Variants in ANKMY1 observed in about 807,000 individuals in gnomAD.
ANKMY1 encodes ankyrin repeat and MYND domain-containing protein 1.
A neutral mutation model predicts 102.0 loss-of-function variants in ANKMY1; 98 were observed. That is an observed-to-expected ratio of 0.96 (90% confidence interval 0.82 to 1.14). The LOEUF is 1.14. Among genes scored for constraint, ANKMY1 ranks in the 50% most tolerant of loss-of-function variants. The pLI is 0.00. For missense variants in ANKMY1, 1,330 were observed against 1,347.6 expected (o/e 0.99, Z 0.20); for synonymous variants, 582 against 559.9 (o/e 1.04, Z -0.56).
At position 240,512,896 on chromosome 2, in the gene ANKMY1, T is replaced by G; in HGVS notation, c.2051A>C (p.Glu684Ala). 6.2e-7 allele frequency: 1 copy of G among 1,613,768 alleles called. No individual in the cohort carries two copies. Among genetic ancestry groups the G allele is most frequent in the Non-Finnish European group, 8.5e-7 (1 of 1,179,908 alleles). Residue 684 changes from glutamate (E) to alanine (A), a missense_variant, in exon 10 of 18, where the codon GAG becomes GCG. Glu to Ala is a moderately radical substitution (Grantham distance 107). Transcript: ENST00000401804. ...PLHIAAALPG[E>A]EGVQIVELLL... ...CAGCTCCACAATCTGTACCCCCTCC[T>G]CCCCAGGAAGGGCGGCAGCGATGTG...
chr2:240,482,363 T>A, intron 15 of ANKMY1, 102 bp from the exon 16 acceptor site: 1 of 1,037,646 alleles, frequency 9.6e-7, no homozygotes, highest in Non-Finnish European at 1.4e-6. Flanking sequence ...CTGCCTGCAC[T>A]ACTCGGGAGG....
the ANKMY1 span, among the ~76,000 whole-genome samples, chr2:240,471,641 G>C: frequency 6.6e-6 from 1 of 152,214 alleles, no homozygotes; most frequent in Non-Finnish European, 1.5e-5. Flanking sequence ...CAAGATGGCA[G>C]AACAGGGGAC....
intron 4 of ANKMY1, among the ~76,000 whole-genome samples, chr2:240,539,534 A>G (rs2088037335): frequency 6.6e-6 from 1 of 152,208 alleles, no homozygotes; most frequent in Admixed American, 6.5e-5. Context: ...TCATTCTTGA[A>G]GTCAGTGAGA....
intron 12 of ANKMY1, 105 bp downstream of exon 12, chr2:240,509,243 G>GGATGGATGGATA (rs564955310): frequency 2.4e-6 from 2 of 832,044 alleles, no homozygotes. Flanking sequence ...ATGGATGGAT[G>GGATGGATGGATA]GATAAATGGC....
At chr2:240,536,719 G>A (rs1018085432) in intron 4 of ANKMY1, among the ~76,000 whole-genome samples, 1 of 152,164 alleles carries the variant, frequency 6.6e-6, no homozygotes, top group African/African-American at 2.4e-5. Context: ...AGATTAGACA[G>A]TCAAAAAATA....
the ANKMY1 span, among the ~76,000 whole-genome samples, chr2:240,473,056 G>A: frequency 3.3e-5 from 5 of 151,046 alleles, no homozygotes; most frequent in East Asian, 7.7e-4. Context: ...CCCGGGAGAC[G>A]GAGGCTGCAG....
At chr2:240,514,660 CA>C (rs1335900755) in intron 9 of ANKMY1, among the ~76,000 whole-genome samples, 5 of 152,212 alleles carry the variant, frequency 3.3e-5, no homozygotes, top group African/African-American at 1.2e-4. Context: ...CTGCAGAGAG[CA>C]CAGAAGGAAT....
chr2:240,487,984 T>G (rs191334217), intron 15 of ANKMY1, among the ~76,000 whole-genome samples: 1 of 152,328 alleles, frequency 6.6e-6, no homozygotes, highest in Non-Finnish European at 1.5e-5. Flanking sequence ...TTTTATTAAA[T>G]CCCATTTGTC....
At chr2:240,536,194 T>G (rs2086682143) in intron 4 of ANKMY1, among the ~76,000 whole-genome samples, 1 of 152,168 alleles carries the variant, frequency 6.6e-6, no homozygotes. Context: ...TACAGAGCCA[T>G]GCTTAGAAAG....
At chr2:240,495,810 T>G (rs1274207896) in intron 15 of ANKMY1, among the ~76,000 whole-genome samples, 1 of 152,202 alleles carries the variant, frequency 6.6e-6, no homozygotes, top group African/African-American at 2.4e-5. Flanking sequence ...CCTGTAGGGC[T>G]GGCCCCTACA....
chr2:240,525,516 G>A (rs934934199), intron 7 of ANKMY1, among the ~76,000 whole-genome samples, 169 bp downstream of exon 7: 4 of 152,162 alleles, frequency 2.6e-5, no homozygotes, highest in Non-Finnish European at 4.4e-5. Flanking sequence ...ATCTGCTCAG[G>A]GTCCCTTAGG....
At chr2:240,557,815 G>A (rs2092560261) in intron 1 of ANKMY1, 66 bp downstream of exon 1, 1 of 948,692 alleles carries the variant, frequency 1.1e-6, no homozygotes, top group Non-Finnish European at 1.3e-6. Context: ...CCCCGCACCC[G>A]CCGCCCCACG....
At chr2:240,502,287 C>T (rs927379036) in intron 13 of ANKMY1, among the ~76,000 whole-genome samples, 4 of 151,886 alleles carry the variant, frequency 2.6e-5, no homozygotes, top group Non-Finnish European at 5.9e-5. Context: ...CCCCACCCCA[C>T]CCCCAGGCTC....
chr2:240,543,890 T>C (rs147279918), intron 4 of ANKMY1, among the ~76,000 whole-genome samples: 2,001 of 152,306 alleles, frequency 0.013, 35 homozygotes, highest in Non-Finnish European at 0.016. Flanking sequence ...TTCTCATCTA[T>C]AAAATGCTAA....
intron 4 of ANKMY1, among the ~76,000 whole-genome samples, chr2:240,535,027 G>A (rs1053971208): frequency 1.3e-5 from 2 of 152,202 alleles, no homozygotes; most frequent in East Asian, 3.9e-4. Flanking sequence ...GAGCCTGGGA[G>A]GTCAAGGCTG....
intron 15 of ANKMY1, among the ~76,000 whole-genome samples, chr2:240,489,809 T>G (rs968937030): frequency 1.3e-5 from 2 of 152,214 alleles, no homozygotes; most frequent in African/African-American, 4.8e-5. Flanking sequence ...TCCTCCTTAA[T>G]TTTTTGGAAT....
chr2:240,512,713 G>T, intron 10 of ANKMY1, 89 bp downstream of exon 10: 3 of 1,446,088 alleles, frequency 2.1e-6, no homozygotes, highest in South Asian at 2.9e-5. Context: ...CATCATGCTC[G>T]GCAAGCACAG....
In ANKMY1 at chr2:240,499,512, T is replaced by C. The variant is rs911365144; in HGVS notation, c.2806+446A>G. ...GGAGTAGATGTCAGTAGGTACTGCG[T>C]TTGTGGAGTGGGTGCATGTGGGGAG... is the stretch of plus-strand genomic sequence containing the variant. On this transcript the variant is annotated intron_variant, in intron 15 of 17. Coordinates refer to ENST00000401804, the MANE Select transcript of ANKMY1 (RefSeq NM_001282771.3). This position sits in a 1 kb window ranked among gnomAD's most constrained non-coding sequence, Gnocchi z 4.2. Among the ~76,000 whole-genome samples, 2 of 151,740 alleles carry C rather than the reference T, an allele frequency of 1.3e-5. No homozygotes were observed. The highest frequency in any genetic ancestry group is 2.9e-5 in the Non-Finnish European group (2 of 67,884).
chr2:240,515,380 CA>C (rs1394734716), intron 9 of ANKMY1, among the ~76,000 whole-genome samples: 1 of 151,930 alleles, frequency 6.6e-6, no homozygotes, highest in East Asian at 1.9e-4. Flanking sequence ...ACTAAAAATA[CA>C]AAAATTAGCT....
Sources: allele counts gnomAD v4.1 joint callset (sites outside exome capture counted in the v4.1 genomes callset), GRCh38; gene constraint gnomAD v4.1.1; non-coding constraint Gnocchi (gnomAD v3.1); transcripts MANE v1.5; gene names NCBI Gene and HGNC (gene_info 2026-07-23, HGNC 2026-07-21).